The following SNX30 variants were observed in gnomAD, a reference collection of about 807,000 sequenced individuals.
SNX30 encodes sorting nexin-30.
A neutral mutation model predicts 46.4 loss-of-function variants in SNX30; 24 were observed. The observed-to-expected ratio is 0.52, with a 90% CI of 0.37 to 0.73. The LOEUF is 0.73. Among genes scored for constraint, SNX30 ranks in the 30% least tolerant of loss-of-function variants. SNX30 has a pLI of 0.00. For missense variants in SNX30, 533 were observed against 555.7 expected (o/e 0.96, Z 0.41); for synonymous variants, 189 against 211.5 (o/e 0.89, Z 0.92).
intron 1 of SNX30, among the ~76,000 whole-genome samples, chr9:112,751,362 T>C (rs1176127081): frequency 6.6e-6 from 1 of 152,154 alleles, no homozygotes; most frequent in Non-Finnish European, 1.5e-5. Context: ...CAGGCTTCGC[T>C]GCCTGTGACT....
intron 8 of SNX30, among the ~76,000 whole-genome samples, chr9:112,867,679 C>A (rs1378317506): frequency 6.6e-6 from 1 of 151,250 alleles, no homozygotes; most frequent in Non-Finnish European, 1.5e-5. Flanking sequence ...CACAATTTCT[C>A]CCACCTCTTC....
Position 112,836,357 on chromosome 9 carries a change from C to A in SNX30, c.762C>A (p.Leu254=). 6.2e-7 allele frequency: 1 copy of A among 1,609,618 alleles called. No individual in the cohort carries two copies. The highest frequency in any genetic ancestry group is 8.5e-7 in the Non-Finnish European group (1 of 1,176,102). ...GTGACTACTTAGATACATTTGCACT[C>A]AAACTGGGAACCATTGATCGAATAG... ...AIGDYLDTFA[L]KLGTIDRIAQ... The change falls in exon 5 of 9, where the codon CTC becomes CTA. Residue 254 remains leucine (L), a synonymous_variant. Coordinates refer to ENST00000374232, the MANE Select transcript of SNX30 (RefSeq NM_001012994.2).
chr9:112,854,684 G>A (rs1380281738), intron 7 of SNX30, among the ~76,000 whole-genome samples: 1 of 152,208 alleles, frequency 6.6e-6, no homozygotes, highest in East Asian at 1.9e-4. Context: ...CTGCCTTTGG[G>A]TCTGGGGCAG....
At chr9:112,762,677 G>A (rs1422438512) in intron 1 of SNX30, among the ~76,000 whole-genome samples, 1 of 152,172 alleles carries the variant, frequency 6.6e-6, no homozygotes, top group Non-Finnish European at 1.5e-5. Flanking sequence ...AAGTCTTGTC[G>A]TTGCCTTAGA....
intron 1 of SNX30, among the ~76,000 whole-genome samples, chr9:112,759,912 C>A (rs1013973940): frequency 1.3e-5 from 2 of 151,960 alleles, no homozygotes; most frequent in Non-Finnish European, 1.5e-5. Flanking sequence ...CCAGCGAGTT[C>A]GTAGAGTAGT....
At chr9:112,832,896 CT>C (rs1470548836) in intron 4 of SNX30, among the ~76,000 whole-genome samples, 3 of 146,574 alleles carry the variant, frequency 2.0e-5, no homozygotes, top group African/African-American at 7.5e-5. Context: ...ATATAAGGTC[CT>C]TTACTGCCTT....
At chr9:112,847,286 C>A (rs1214533802) in intron 6 of SNX30, among the ~76,000 whole-genome samples, 1 of 152,204 alleles carries the variant, frequency 6.6e-6, no homozygotes, top group Non-Finnish European at 1.5e-5. Context: ...CCGCGCATAT[C>A]CCAGCCAGCA....
chr9:112,782,235 T>C (rs1486142877), intron 1 of SNX30, among the ~76,000 whole-genome samples: 2 of 151,894 alleles, frequency 1.3e-5, no homozygotes, highest in Non-Finnish European at 2.9e-5. Context: ...CCTGTTTAAT[T>C]TTGTATTTTT....
chr9:112,804,337 G>A (rs1840189314), intron 1 of SNX30, among the ~76,000 whole-genome samples: 1 of 152,142 alleles, frequency 6.6e-6, no homozygotes, highest in Non-Finnish European at 1.5e-5. Flanking sequence ...GCTAATTTTT[G>A]TATATTTAGT....
At chr9:112,809,580 AAG>A (rs1471529471) in intron 2 of SNX30, among the ~76,000 whole-genome samples, 4 of 152,134 alleles carry the variant, frequency 2.6e-5, no homozygotes, top group East Asian at 1.9e-4. Context: ...AAAAAAGAAA[AAG>A]AGTCATAACA....
At chr9:112,758,760 C>T (rs567189676) in intron 1 of SNX30, among the ~76,000 whole-genome samples, 21 of 152,232 alleles carry the variant, frequency 1.4e-4, no homozygotes, top group African/African-American at 5.1e-4. Context: ...CCTGTAATCT[C>T]AGCACTTTGG....
Position 112,751,206 on chromosome 9 carries a change from G to C in SNX30, c.156+49G>C, listed in dbSNP as rs542542484. The C allele has an allele frequency of 1.5e-5, 20 of 1,364,628 alleles. No homozygotes were observed. In the East Asian group the frequency reaches 5.2e-4, roughly 36 times the overall value. 84.5% of individuals were successfully genotyped at this position (1,364,628 alleles called of 1,614,324 possible). A position where few individuals can be genotyped will look rare whatever the true frequency, so the allele number is the denominator to read the frequency against. On this transcript the variant is annotated intron_variant, in intron 1 of 8. Coordinates refer to ENST00000374232, the MANE Select transcript of SNX30 (RefSeq NM_001012994.2). ...TGGGAGGCTTATTTCGCTCCCCGTG[G>C]GGGGGATGATGGATCCGGAGCCTTC...
Position 112,751,121 on chromosome 9 carries a change from C to T in SNX30, c.120C>T (p.Ser40=), listed in dbSNP as rs1411464954. ...CCGTGGGTGGTGACAGCACGCCCAGCCCGGACCTGCTGATGGCCCGCAGCT... is the reference window on the plus strand; with the variant it reads ...CCGTGGGTGGTGACAGCACGCCCAGTCCGGACCTGCTGATGGCCCGCAGCT... ...EEAVGGDSTP[S]PDLLMARSFG... Residue 40 remains serine (S), a synonymous_variant, in exon 1 of 9, where the codon AGC becomes AGT. Transcript: ENST00000374232. The T allele has an allele frequency of 1.3e-6, 2 of 1,514,066 alleles. No individual in the cohort carries two copies. The highest frequency in any genetic ancestry group is 1.8e-6 in the Non-Finnish European group (2 of 1,139,432). The allele number at this position is 1,514,066 out of a possible 1,614,324, so 93.8% of individuals were successfully genotyped here.
At chr9:112,766,118 G>A (rs973780316) in intron 1 of SNX30, among the ~76,000 whole-genome samples, 4 of 152,030 alleles carry the variant, frequency 2.6e-5, no homozygotes, top group Admixed American at 6.6e-5. Flanking sequence ...TATTTTCTTA[G>A]CAGATTTTAA....
At chr9:112,756,313 T>C (rs1261596993) in intron 1 of SNX30, among the ~76,000 whole-genome samples, 1 of 152,164 alleles carries the variant, frequency 6.6e-6, no homozygotes, top group Non-Finnish European at 1.5e-5. Flanking sequence ...ATTAAATCTT[T>C]AGACCCCAAC....
chr9:112,825,772 G>A (rs1313628050), intron 3 of SNX30, among the ~76,000 whole-genome samples: 1 of 152,092 alleles, frequency 6.6e-6, no homozygotes, highest in Non-Finnish European at 1.5e-5. Flanking sequence ...TTTACATGAT[G>A]TGGTTTACAG....
At chr9:112,772,391 A>G (rs1839667125) in intron 1 of SNX30, among the ~76,000 whole-genome samples, 1 of 152,334 alleles carries the variant, frequency 6.6e-6, no homozygotes, top group Non-Finnish European at 1.5e-5. Context: ...GACCTGGCAC[A>G]TTATTTTAGG....
intron 6 of SNX30, among the ~76,000 whole-genome samples, chr9:112,843,846 C>CTCA (rs879294189): frequency 6.6e-6 from 1 of 152,110 alleles, no homozygotes; most frequent in Non-Finnish European, 1.5e-5. Flanking sequence ...AACTCCTGAC[C>CTCA]TCATGATCCA....
intron 1 of SNX30, among the ~76,000 whole-genome samples, chr9:112,779,907 A>G (rs1171923450): frequency 2.0e-5 from 3 of 152,174 alleles, no homozygotes; most frequent in African/African-American, 7.2e-5. Context: ...GGAATCTCTC[A>G]GCTGGTGAGG....
Sources: gnomAD v4.1 joint callset for allele counts (sites outside exome capture counted in the v4.1 genomes callset) on GRCh38, gnomAD v4.1.1 for gene constraint, MANE v1.5 for transcripts, NCBI Gene and HGNC (gene_info 2026-07-23, HGNC 2026-07-21) for gene names.